AKT3: variants seen among roughly 807,000 people sequenced by gnomAD.
The protein encoded by AKT3 is RAC-gamma serine/threonine-protein kinase.
In AKT3, 15 loss-of-function variants were observed where a neutral mutation model predicts 65.3. The observed-to-expected ratio is 0.23, with a 90% CI of 0.15 to 0.35. The LOEUF (loss-of-function observed/expected upper bound fraction) is 0.35. Ranked by LOEUF, AKT3 falls within the 10% of genes least tolerant of loss-of-function variation. The pLI is 1.00. For synonymous variants in AKT3, 206 were observed against 183.8 expected (o/e 1.12, Z -0.98); for missense variants, 243 against 576.5 (o/e 0.42, Z 5.92).
chr1:243,782,533 C>T (rs1354274724), intron 2 of AKT3, among the ~76,000 whole-genome samples: 1 of 152,132 alleles, frequency 6.6e-6, no homozygotes, highest in Non-Finnish European at 1.5e-5. Flanking sequence ...AATCACCTCA[C>T]CCAAAGCCCC....
intron 2 of AKT3, among the ~76,000 whole-genome samples, chr1:243,786,687 G>C (rs1051590324): frequency 1.3e-5 from 2 of 152,016 alleles, no homozygotes; most frequent in Non-Finnish European, 2.9e-5. Context: ...AGCACGGGGT[G>C]GGGGGGTGCG....
chr1:243,592,890 T>C (rs1439645763), intron 8 of AKT3, among the ~76,000 whole-genome samples: 3 of 152,116 alleles, frequency 2.0e-5, no homozygotes, highest in Non-Finnish European at 4.4e-5. Context: ...TTATAACACA[T>C]ACAAATGTAA....
At chr1:243,804,568 C>T (rs986119272) in intron 2 of AKT3, among the ~76,000 whole-genome samples, 3 of 152,098 alleles carry the variant, frequency 2.0e-5, no homozygotes, top group Admixed American at 2.0e-4. Flanking sequence ...TATACATGGC[C>T]GGATGCGGTG....
chr1:243,696,992 G>A (rs1036389464), intron 2 of AKT3, among the ~76,000 whole-genome samples: 2 of 151,908 alleles, frequency 1.3e-5, no homozygotes, highest in African/African-American at 4.8e-5. Flanking sequence ...ACCCCAACAT[G>A]TATTTCAGAT....
chr1:243,535,055 A>G (rs1245608553), intron 12 of AKT3, among the ~76,000 whole-genome samples: 1 of 150,946 alleles, frequency 6.6e-6, no homozygotes, highest in Non-Finnish European at 1.5e-5. Context: ...ATCTTTGTAA[A>G]TATCAATGAA....
intron 2 of AKT3, chr1:243,740,698 T>C (rs1688099339): frequency 6.6e-6 from 1 of 152,216 alleles, no homozygotes; most frequent in Non-Finnish European, 1.5e-5. Flanking sequence ...TATGGCACTG[T>C]CTTATTTATA....
At chr1:243,843,589 A>G (rs1372909552) in intron 1 of AKT3, 1 of 1,007,800 alleles carries the variant, frequency 9.9e-7, no homozygotes, top group Non-Finnish European at 1.2e-6. Context: ...TTTGAGGTGA[A>G]GAGGGAAGAG....
downstream of AKT3, among the ~76,000 whole-genome samples, chr1:243,499,197 A>AGAG (rs1491172183): frequency 5.3e-5 from 8 of 152,230 alleles, no homozygotes; most frequent in African/African-American, 7.2e-5. Context: ...CGTAAAACTA[A>AGAG]GAGACCTCAG....
chr1:243,550,406 GC>G (rs1672967046), intron 11 of AKT3, among the ~76,000 whole-genome samples: 2 of 152,064 alleles, frequency 1.3e-5, no homozygotes, highest in Admixed American at 1.3e-4. Context: ...CTAAGAATTT[GC>G]CTCACATTCA....
At chr1:243,497,719 G>C (rs769990747), downstream of AKT3, among the ~76,000 whole-genome samples, 2 of 152,206 alleles carry the variant, frequency 1.3e-5, no homozygotes, top group Non-Finnish European at 2.9e-5. Flanking sequence ...TCTGTATTGT[G>C]TGTACGTGGG....
intron 12 of AKT3, among the ~76,000 whole-genome samples, chr1:243,517,389 CAATT>C (rs1363737061): frequency 7.9e-5 from 12 of 152,274 alleles, no homozygotes; most frequent in Non-Finnish European, 1.8e-4. Flanking sequence ...ATTGCTGTAT[CAATT>C]ATTTGAAGAT....
At chr1:243,798,392 A>ACT (rs1692166260) in intron 2 of AKT3, among the ~76,000 whole-genome samples, 1 of 81,258 alleles carries the variant, frequency 1.2e-5, no homozygotes. Flanking sequence ...GCTAATTTTT[A>ACT]ATTTTTTTTT....
chr1:243,583,180 A>G (rs1252797340), intron 8 of AKT3, among the ~76,000 whole-genome samples: 3 of 115,232 alleles, frequency 2.6e-5, no homozygotes, highest in African/African-American at 8.7e-5. Context: ...GTATATATAT[A>G]TATATATATA....
At chr1:243,722,097 T>G (rs1686949357) in intron 2 of AKT3, among the ~76,000 whole-genome samples, 1 of 152,158 alleles carries the variant, frequency 6.6e-6, no homozygotes, top group East Asian at 1.9e-4. Flanking sequence ...TCATTAAAAT[T>G]TACACAGCTT....
At chr1:243,791,580 A>C (rs370458432) in intron 2 of AKT3, among the ~76,000 whole-genome samples, 74 of 152,378 alleles carry the variant, frequency 4.9e-4, no homozygotes, top group Admixed American at 5.2e-4. Context: ...CATGTATATC[A>C]CAGTATGAGT....
intron 4 of AKT3, among the ~76,000 whole-genome samples, chr1:243,658,969 G>GCTA (rs1192216967): frequency 1.3e-5 from 2 of 151,792 alleles, no homozygotes; most frequent in Non-Finnish European, 2.9e-5. Flanking sequence ...GTTCCAGGCT[G>GCTA]CAGTAAGCCA....
intron 6 of AKT3, among the ~76,000 whole-genome samples, chr1:243,629,522 GTGGCTCA>G (rs991241130): frequency 7.9e-5 from 12 of 152,272 alleles, no homozygotes; most frequent in African/African-American, 2.4e-4. Flanking sequence ...GCCGGGCACA[GTGGCTCA>G]TGCCTGTAAT....
chr1:243,701,821 G>T (rs1050566286), intron 2 of AKT3, among the ~76,000 whole-genome samples: 1 of 152,044 alleles, frequency 6.6e-6, no homozygotes, highest in Non-Finnish European at 1.5e-5. Flanking sequence ...GGAAGACGGT[G>T]GGAGCATCCT....
At chr1:243,845,596 A>AAAAAAG (rs1396783093) in intron 1 of AKT3, among the ~76,000 whole-genome samples, 1 of 146,860 alleles carries the variant, frequency 6.8e-6, no homozygotes, top group African/African-American at 2.5e-5. Context: ...CTCAAAAAAA[A>AAAAAAG]AAAAAAAGAA....
Sources: allele counts gnomAD v4.1 joint callset (sites outside exome capture counted in the v4.1 genomes callset), GRCh38; gene constraint gnomAD v4.1.1; transcripts MANE v1.5; gene names NCBI Gene and HGNC (gene_info 2026-07-23, HGNC 2026-07-21).